The following MALRD1 variants were observed in gnomAD, a reference collection of about 807,000 sequenced individuals.
MALRD1 encodes MAM and LDL-receptor class A domain-containing protein 1.
In MALRD1, 247 loss-of-function variants were observed where a neutral mutation model predicts 242.1. That is an observed-to-expected ratio of 1.02 (90% CI 0.92 to 1.13). The LOEUF (loss-of-function observed/expected upper bound fraction) is 1.13. Among genes scored for constraint, MALRD1 ranks in the 50% most tolerant of loss-of-function variants. The probability of loss-of-function intolerance (pLI) is 0.00; values close to 1 mark genes in which losing one functional copy is unlikely to be tolerated. For missense variants in MALRD1, 2,989 were observed against 2,533.1 expected (o/e 1.18, Z -3.86); for synonymous variants, 995 against 866.6 (o/e 1.15, Z -2.60).
intron 1 of MALRD1, among the ~76,000 whole-genome samples, chr10:19,065,287 C>CAAAAAAAAAAAAG (rs1834939442): frequency 4.0e-5 from 2 of 50,632 alleles, no homozygotes; most frequent in Non-Finnish European, 6.7e-5. Context: ...AACGCTGTCT[C>CAAAAAAAAAAAAG]AAAAAAAAAA....
intron 34 of MALRD1, among the ~76,000 whole-genome samples, chr10:19,601,406 T>A (rs1838335876): frequency 6.6e-6 from 1 of 152,030 alleles, no homozygotes; most frequent in Non-Finnish European, 1.5e-5. Context: ...TACAATGTTA[T>A]TTGCTTCATG....
chr10:19,724,188 G>A (rs558355194), intron 38 of MALRD1, among the ~76,000 whole-genome samples: 21 of 152,140 alleles, frequency 1.4e-4, no homozygotes, highest in Non-Finnish European at 2.9e-4. Context: ...CTAGGTGTCC[G>A]GTGAGTTTCA....
rs576497561 is a variant in MALRD1 at position 19,692,562 on chromosome 10, A to T, written c.6314+8A>T. 6.5e-7 allele frequency: 1 copy of T among 1,527,142 alleles called. No homozygotes were observed. Among genetic ancestry groups the T allele is most frequent in the African/African-American group, 1.4e-5 (1 of 72,748 alleles). 94.6% of individuals were successfully genotyped at this position (1,527,142 alleles called of 1,614,324 possible). A position where few individuals can be genotyped will look rare whatever the true frequency, so the allele number is the denominator to read the frequency against. On this transcript the variant is annotated splice_region_variant and intron_variant, in intron 38 of 39. Transcript: ENST00000454679. Reference sequence around the variant, plus strand: ...CAGAAAGGTACCAATAAGGTAAGTGATGCCTTTAGTTGCTAAATGAAATAT... The same window carrying T: ...CAGAAAGGTACCAATAAGGTAAGTGTTGCCTTTAGTTGCTAAATGAAATAT...
At chr10:19,530,319 A>G (rs1027106895) in intron 31 of MALRD1, among the ~76,000 whole-genome samples, 9 of 137,970 alleles carry the variant, frequency 6.5e-5, no homozygotes, top group African/African-American at 2.4e-4. Context: ...AAATGTTGAA[A>G]TTTATATAAA....
chr10:19,138,481 C>T (rs2083418573), intron 10 of MALRD1, among the ~76,000 whole-genome samples: 1 of 148,542 alleles, frequency 6.7e-6, no homozygotes, highest in African/African-American at 2.5e-5. Context: ...AGTGCAATGG[C>T]ATGATCTCGG....
chr10:19,173,510 A>T (rs1835097283), intron 13 of MALRD1, among the ~76,000 whole-genome samples: 1 of 152,082 alleles, frequency 6.6e-6, no homozygotes, highest in Non-Finnish European at 1.5e-5. Context: ...TTTCTTTTTA[A>T]CAAATGCTGT....
intron 36 of MALRD1, among the ~76,000 whole-genome samples, chr10:19,665,365 A>G (rs541068103): frequency 5.3e-5 from 8 of 152,298 alleles, no homozygotes; most frequent in African/African-American, 1.9e-4. Flanking sequence ...TTCTTTGCGT[A>G]GCATCTCAGT....
At chr10:19,350,884 G>T (rs1297309265) in intron 25 of MALRD1, among the ~76,000 whole-genome samples, 1 of 152,144 alleles carries the variant, frequency 6.6e-6, no homozygotes, top group Non-Finnish European at 1.5e-5. Flanking sequence ...TGGCCACTTT[G>T]TTTCTCACTC....
chr10:19,368,707 A>G (rs1011029012), intron 26 of MALRD1, among the ~76,000 whole-genome samples: 1 of 151,826 alleles, frequency 6.6e-6, no homozygotes, highest in African/African-American at 2.4e-5. Context: ...CTTATGTAGT[A>G]TGCTTATTTT....
At chr10:19,694,682 A>C (rs1442008314) in intron 38 of MALRD1, among the ~76,000 whole-genome samples, 1 of 152,254 alleles carries the variant, frequency 6.6e-6, no homozygotes, top group Non-Finnish European at 1.5e-5. Context: ...TGAAGGATCT[A>C]GAACTAGAAA....
intron 26 of MALRD1, among the ~76,000 whole-genome samples, chr10:19,380,222 G>T (rs1300421598): frequency 1.3e-5 from 2 of 150,610 alleles, no homozygotes; most frequent in Non-Finnish European, 3.0e-5. Flanking sequence ...TGATCCACCT[G>T]CCTTGGCCTC....
intron 19 of MALRD1, among the ~76,000 whole-genome samples, chr10:19,262,176 T>C (rs1839779519): frequency 6.6e-6 from 1 of 152,160 alleles, no homozygotes; most frequent in East Asian, 1.9e-4. Context: ...TCAATACTTT[T>C]ATAATATTGT....
chr10:19,559,066 C>A (rs943671731), intron 32 of MALRD1, among the ~76,000 whole-genome samples: 3 of 151,718 alleles, frequency 2.0e-5, no homozygotes, highest in Non-Finnish European at 4.4e-5. Flanking sequence ...ACCTGTGATC[C>A]CAGTTACTCA....
chr10:19,666,347 G>T (rs749005981), intron 36 of MALRD1, among the ~76,000 whole-genome samples: 1 of 151,958 alleles, frequency 6.6e-6, no homozygotes, highest in African/African-American at 2.4e-5. Context: ...CATTCTGGAC[G>T]TTGTCATCAC....
At chr10:19,419,103 A>G (rs1238222903) in intron 28 of MALRD1, among the ~76,000 whole-genome samples, 2 of 151,986 alleles carry the variant, frequency 1.3e-5, no homozygotes, top group African/African-American at 2.4e-5. Context: ...TCCTTTCCAC[A>G]TCTCCATCCT....
At position 19,672,141 on chromosome 10, in the gene MALRD1, G is replaced by A. The variant is rs545100707; in HGVS notation, c.6138-20141G>A. Among the ~76,000 whole-genome samples the A allele has an allele frequency of 7.9e-4, 120 of 151,930 alleles. 1 individual carries two copies. Among genetic ancestry groups the A allele is most frequent in the African/African-American group, 2.3e-3 (95 of 41,410 alleles). ...GTCCACATCTCTGTCACCTCCAGCC[G>A]CATCTTCACAGGTGTTACACATTAA... On this transcript the variant is annotated intron_variant, in intron 36 of 39. Transcript: ENST00000454679.
chr10:19,636,534 A>C (rs1046856909), intron 36 of MALRD1, among the ~76,000 whole-genome samples: 26 of 152,192 alleles, frequency 1.7e-4, no homozygotes, highest in Admixed American at 1.4e-3. Flanking sequence ...ACACAGCCTC[A>C]AAATAAATAT....
intron 38 of MALRD1, chr10:19,721,671 T>TTATTTACAAA (rs1331063559): frequency 5.3e-5 from 8 of 152,240 alleles, no homozygotes; most frequent in Non-Finnish European, 1.0e-4. Flanking sequence ...CCACAGGTCT[T>TTATTTACAAA]TATTTTCAAA....
At chr10:19,165,259 A>T (rs982816851) in intron 12 of MALRD1, among the ~76,000 whole-genome samples, 1 of 82,716 alleles carries the variant, frequency 1.2e-5, no homozygotes, top group Admixed American at 1.5e-4. Context: ...ATATATATAT[A>T]TATATATTTT....
Sources: gnomAD v4.1 joint callset for allele counts (sites outside exome capture counted in the v4.1 genomes callset) on GRCh38, gnomAD v4.1.1 for gene constraint, MANE v1.5 for transcripts, NCBI Gene and HGNC (gene_info 2026-07-23, HGNC 2026-07-21) for gene names.